Variants in FAM81A observed in about 807,000 individuals in gnomAD.
The protein encoded by FAM81A is family with sequence similarity 81 member A.
FAM81A carries 19 observed loss-of-function variants against 46.7 expected under a neutral mutation model. That is an observed-to-expected ratio of 0.41 (90% CI 0.28 to 0.60). The LOEUF (loss-of-function observed/expected upper bound fraction) is 0.60. Among genes scored for constraint, FAM81A ranks in the 20% least tolerant of loss-of-function variants. FAM81A has a pLI of 0.34. For missense variants in FAM81A, 377 were observed against 453.5 expected (o/e 0.83, Z 1.53); for synonymous variants, 183 against 152.9 (o/e 1.20, Z -1.45).
At chr15:59,512,334 T>C (rs2082219568) in intron 6 of FAM81A, among the ~76,000 whole-genome samples, 1 of 151,876 alleles carries the variant, frequency 6.6e-6, no homozygotes, top group Non-Finnish European at 1.5e-5. Context: ...TAGCTGGGCA[T>C]GGTGGTGCGC....
chr15:59,430,319 C>T (rs1361230383), intron 2 of FAM81A, among the ~76,000 whole-genome samples: 2 of 129,554 alleles, frequency 1.5e-5, no homozygotes, highest in East Asian at 2.4e-4. Context: ...AGCTGGAGTG[C>T]AGTGGTACAA....
chr15:59,409,219 C>G (rs1436943332), intron 2 of FAM81A, among the ~76,000 whole-genome samples: 1 of 152,122 alleles, frequency 6.6e-6, no homozygotes, highest in Non-Finnish European at 1.5e-5. Context: ...TACTCCAGGT[C>G]TGGGTCCAGT....
chr15:59,422,931 A>C (rs1425303214), intron 2 of FAM81A, among the ~76,000 whole-genome samples: 1 of 152,216 alleles, frequency 6.6e-6, no homozygotes, highest in Non-Finnish European at 1.5e-5. Context: ...TAACTGTATG[A>C]ATATTTTTTC....
chr15:59,446,561 A>G (rs968788925), intron 1 of FAM81A: 1 of 152,218 alleles, frequency 6.6e-6, no homozygotes, highest in Non-Finnish European at 1.5e-5. Flanking sequence ...TCTACCTCCA[A>G]CAGAATTCCC....
chr15:59,398,807 T>G (rs2081058209), intron 1 of FAM81A, among the ~76,000 whole-genome samples: 1 of 145,192 alleles, frequency 6.9e-6, no homozygotes, highest in South Asian at 2.2e-4. Context: ...ATCCAGTCTC[T>G]TTCTAGTGCA....
intron 3 of FAM81A, among the ~76,000 whole-genome samples, chr15:59,481,392 AT>A (rs1173216302): frequency 5.1e-4 from 77 of 151,286 alleles, no homozygotes; most frequent in African/African-American, 1.5e-3. Flanking sequence ...TTTAAAGCAC[AT>A]TTTTTTTTCT....
chr15:59,405,280 A>G (rs1435401807), intron 2 of FAM81A, among the ~76,000 whole-genome samples: 3 of 152,288 alleles, frequency 2.0e-5, no homozygotes, highest in South Asian at 2.1e-4. Context: ...ATGAATGAAC[A>G]GGCCTGCCAA....
chr15:59,443,475 C>T (rs774587433), intron 1 of FAM81A, among the ~76,000 whole-genome samples: 1 of 152,210 alleles, frequency 6.6e-6, no homozygotes, highest in Non-Finnish European at 1.5e-5. Context: ...TTCCTCTAAT[C>T]TGGGACCGTT....
chr15:59,472,978 T>G (rs1567058985), intron 3 of FAM81A, among the ~76,000 whole-genome samples: 1 of 152,198 alleles, frequency 6.6e-6, no homozygotes, highest in Non-Finnish European at 1.5e-5. Flanking sequence ...CAACCCTAAG[T>G]TGACAACTGT....
At chr15:59,410,690 T>C (rs115711533) in intron 2 of FAM81A, among the ~76,000 whole-genome samples, 114 of 152,334 alleles carry the variant, frequency 7.5e-4, no homozygotes, top group African/African-American at 2.6e-3. Flanking sequence ...AGTTAGAAAA[T>C]GCATTTGAAC....
chr15:59,493,536 C>T (rs2082002979), intron 4 of FAM81A, among the ~76,000 whole-genome samples: 1 of 152,196 alleles, frequency 6.6e-6, no homozygotes, highest in South Asian at 2.1e-4. Flanking sequence ...TCTTCTATTG[C>T]TCCACCTTTG....
intron 3 of FAM81A, among the ~76,000 whole-genome samples, chr15:59,484,074 A>G (rs1478972163): frequency 6.6e-6 from 1 of 152,192 alleles, no homozygotes; most frequent in African/African-American, 2.4e-5. Context: ...TACCTACTTA[A>G]GGCACTCCAG....
intron 2 of FAM81A, among the ~76,000 whole-genome samples, chr15:59,430,961 T>G (rs1379348056): frequency 6.6e-6 from 1 of 152,196 alleles, no homozygotes; most frequent in African/African-American, 2.4e-5. Context: ...TGACTGAGTC[T>G]TGGGGGACAT....
chr15:59,444,490 T>C (rs1429242543), intron 1 of FAM81A, among the ~76,000 whole-genome samples: 1 of 152,216 alleles, frequency 6.6e-6, no homozygotes, highest in Non-Finnish European at 1.5e-5. Context: ...GAAACTAACA[T>C]AGCATATTAA....
chr15:59,407,471 A>G (rs1427288882), intron 2 of FAM81A, among the ~76,000 whole-genome samples: 1 of 151,676 alleles, frequency 6.6e-6, no homozygotes, highest in Non-Finnish European at 1.5e-5. Flanking sequence ...ATTGTTTTGT[A>G]TTTTTAGTAG....
At chr15:59,467,112 T>A (rs1375281122) in intron 3 of FAM81A, among the ~76,000 whole-genome samples, 1 of 152,236 alleles carries the variant, frequency 6.6e-6, no homozygotes, top group East Asian at 1.9e-4. Flanking sequence ...TACTGTAGCC[T>A]TGTAGGATAG....
intron 3 of FAM81A, among the ~76,000 whole-genome samples, chr15:59,488,038 T>C (rs2081940237): frequency 6.6e-6 from 1 of 152,192 alleles, no homozygotes; most frequent in South Asian, 2.1e-4. Flanking sequence ...ACTGGGAAAC[T>C]GAATTCAGCA....
At chr15:59,421,729 GT>G (rs2081172764) in intron 2 of FAM81A, among the ~76,000 whole-genome samples, 7 of 128,870 alleles carry the variant, frequency 5.4e-5, no homozygotes, top group African/African-American at 2.2e-4. Flanking sequence ...CTGTCTGTCT[GT>G]CTATCTATCT....
At chr15:59,486,441 G>C (rs1012232477) in intron 3 of FAM81A, among the ~76,000 whole-genome samples, 4 of 151,970 alleles carry the variant, frequency 2.6e-5, no homozygotes, top group African/African-American at 9.7e-5. Flanking sequence ...GTTTTTAAGA[G>C]GAGGTAGAGA....
Sources: allele counts gnomAD v4.1 joint callset (sites outside exome capture counted in the v4.1 genomes callset), GRCh38; gene constraint gnomAD v4.1.1; transcripts MANE v1.5; gene names NCBI Gene and HGNC (gene_info 2026-07-23, HGNC 2026-07-21).